The following LRMDA variants were observed in gnomAD, a reference collection of about 807,000 sequenced individuals.
LRMDA encodes leucine rich melanocyte differentiation associated.
LRMDA carries 18 observed loss-of-function variants against 29.8 expected under a neutral mutation model. The observed-to-expected ratio is 0.60, with a 90% confidence interval of 0.42 to 0.90. The LOEUF (loss-of-function observed/expected upper bound fraction) is 0.90. Ranked by LOEUF, LRMDA falls within the 40% of genes least tolerant of loss-of-function variation. LRMDA has a pLI of 0.00. For synonymous variants in LRMDA, 125 were observed against 109.4 expected (o/e 1.14, Z -0.89); for missense variants, 273 against 273.9 (o/e 1.00, Z 0.02).
chr10:75,821,793 AAC>A, intron 2 of LRMDA, among the ~76,000 whole-genome samples: 1 of 151,494 alleles, frequency 6.6e-6, no homozygotes, highest in Non-Finnish European at 1.5e-5. Flanking sequence ...CAAACAAACA[AAC>A]AAAAAAAACC....
intron 2 of LRMDA, among the ~76,000 whole-genome samples, chr10:75,740,714 T>G (rs1842818590): frequency 6.6e-6 from 1 of 152,154 alleles, no homozygotes. Context: ...CATCTGTTGA[T>G]CAGCAACAGA....
chr10:76,209,285 G>A (rs1446107100), intron 5 of LRMDA, among the ~76,000 whole-genome samples: 4 of 152,100 alleles, frequency 2.6e-5, no homozygotes, highest in Non-Finnish European at 4.4e-5. Context: ...GCTCAGTCCT[G>A]TTCCCCTCCT....
intron 6 of LRMDA, among the ~76,000 whole-genome samples, chr10:76,506,619 C>G (rs1274328494): frequency 6.6e-6 from 1 of 151,890 alleles, no homozygotes; most frequent in Non-Finnish European, 1.5e-5. Context: ...TTTCTTCATC[C>G]CTCTCTCCCC....
At chr10:76,163,660 A>T (rs1216632895) in intron 5 of LRMDA, among the ~76,000 whole-genome samples, 2 of 152,174 alleles carry the variant, frequency 1.3e-5, no homozygotes, top group African/African-American at 4.8e-5. Flanking sequence ...GATCAGGAAG[A>T]TGCATTTTAA....
intron 5 of LRMDA, among the ~76,000 whole-genome samples, chr10:76,125,554 G>C (rs1055969242): frequency 6.6e-6 from 1 of 152,210 alleles, no homozygotes; most frequent in Non-Finnish European, 1.5e-5. Context: ...ATTGATGCCT[G>C]AGTGGCTGCC....
chr10:75,963,353 A>G (rs1051180078), intron 2 of LRMDA, among the ~76,000 whole-genome samples: 1 of 152,346 alleles, frequency 6.6e-6, no homozygotes, highest in South Asian at 2.1e-4. Flanking sequence ...TTGTTATAGG[A>G]CAAAGCTGTA....
chr10:75,736,712 G>A (rs1842767032), intron 2 of LRMDA, among the ~76,000 whole-genome samples: 1 of 152,216 alleles, frequency 6.6e-6, no homozygotes, highest in Non-Finnish European at 1.5e-5. Flanking sequence ...TTACATTTTA[G>A]TTACAGAATT....
At chr10:75,536,787 T>C (rs1207835220) in intron 2 of LRMDA, among the ~76,000 whole-genome samples, 1 of 152,230 alleles carries the variant, frequency 6.6e-6, no homozygotes, top group East Asian at 1.9e-4. Flanking sequence ...CTTGAACTCT[T>C]AGCCTCAAGT....
chr10:76,451,430 C>T (rs1275481062), intron 6 of LRMDA, among the ~76,000 whole-genome samples: 1 of 152,078 alleles, frequency 6.6e-6, no homozygotes, highest in Admixed American at 6.5e-5. Flanking sequence ...TGGGCTTGAT[C>T]TCCTGACCTC....
intron 6 of LRMDA, among the ~76,000 whole-genome samples, chr10:76,458,879 G>A (rs1475455831): frequency 6.6e-6 from 1 of 151,762 alleles, no homozygotes; most frequent in Non-Finnish European, 1.5e-5. Flanking sequence ...TACAAATAAG[G>A]CCATTTTCCT....
At chr10:76,397,727 AT>A (rs2132492114) in intron 6 of LRMDA, among the ~76,000 whole-genome samples, 1 of 152,310 alleles carries the variant, frequency 6.6e-6, no homozygotes, top group South Asian at 2.1e-4. Context: ...TTTTGAAGGC[AT>A]GCTCGCCTCA....
intron 2 of LRMDA, among the ~76,000 whole-genome samples, chr10:75,757,081 A>C (rs1843040911): frequency 6.6e-6 from 1 of 152,208 alleles, no homozygotes; most frequent in African/African-American, 2.4e-5. Flanking sequence ...AAATCACTAA[A>C]TTCTCACCTG....
intron 2 of LRMDA, among the ~76,000 whole-genome samples, chr10:75,945,887 G>T (rs919555706): frequency 6.6e-6 from 1 of 152,120 alleles, no homozygotes; most frequent in South Asian, 2.1e-4. Flanking sequence ...TAAGTTCAGA[G>T]AGGGGATGTG....
At chr10:75,565,641 G>A (rs1840361909) in intron 2 of LRMDA, among the ~76,000 whole-genome samples, 1 of 152,226 alleles carries the variant, frequency 6.6e-6, no homozygotes, top group Non-Finnish European at 1.5e-5. Flanking sequence ...AAGGAATGGG[G>A]CTAACAAGTG....
In LRMDA at chr10:75,493,348, G is replaced by GGGGTGTGT. The variant is rs1554894323; in HGVS notation, c.131+54855_131+54856insGGTGTGTG. 2.2e-3 allele frequency among the ~76,000 whole-genome samples: 296 copies of GGGGTGTGT among 133,348 alleles called. 4 individuals carry two copies. Among genetic ancestry groups the GGGGTGTGT allele is most frequent in the African/African-American group, 8.0e-3 (276 of 34,676 alleles). 87.5% of individuals were successfully genotyped at this position (133,348 alleles called of 152,430 possible). On this transcript the variant is annotated intron_variant, in intron 2 of 6. Coordinates refer to ENST00000611255, the MANE Select transcript of LRMDA (RefSeq NM_001305581.2). The stretch of plus-strand genomic sequence containing the variant: ...AGAGAGCCATAGAGGGTTGAGATTG[G>GGGGTGTGT]GTGTGTGTGTGTGTGTGTGTGTGTG...
rs528256686 is a variant in LRMDA at position 75,951,890 on chromosome 10, C to T, written c.132-84118C>T. Among the ~76,000 whole-genome samples, 8 of 152,332 alleles carry T rather than the reference C, an allele frequency of 5.3e-5. No homozygotes were observed. In the East Asian group the frequency reaches 5.8e-4, roughly 11 times the overall value. On this transcript the variant is annotated intron_variant, in intron 2 of 6. Transcript: ENST00000611255. ...ATTGACCCCTGGAAAGGCTGAGAAA[C>T]GTTACCTGCGGTCCTGGAGGGACTT...
intron 2 of LRMDA, among the ~76,000 whole-genome samples, chr10:75,916,193 T>TGTGTGTGTGTGTGTGTGG (rs72087365): frequency 2.6e-4 from 36 of 140,148 alleles, no homozygotes; most frequent in South Asian, 6.9e-4. Flanking sequence ...TGTGTGTGTG[T>TGTGTGTGTGTGTGTGTGG]GTGGGTGGGT....
chr10:76,206,704 C>T (rs1482254854), intron 5 of LRMDA, among the ~76,000 whole-genome samples: 1 of 152,200 alleles, frequency 6.6e-6, no homozygotes, highest in Admixed American at 6.5e-5. Context: ...AAGACTGGGT[C>T]AGCACTGAGC....
intron 2 of LRMDA, among the ~76,000 whole-genome samples, chr10:75,453,336 C>G (rs755873590): frequency 1.2e-4 from 19 of 152,142 alleles, no homozygotes; most frequent in Non-Finnish European, 2.5e-4. Context: ...TTTTGAATTT[C>G]ATAGCAAACA....
Sources: gnomAD v4.1 joint callset for allele counts (sites outside exome capture counted in the v4.1 genomes callset) on GRCh38, gnomAD v4.1.1 for gene constraint, MANE v1.5 for transcripts, NCBI Gene and HGNC (gene_info 2026-07-23, HGNC 2026-07-21) for gene names.